CDC5L: variants seen among roughly 807,000 people sequenced by gnomAD.
The protein encoded by CDC5L is cell division cycle 5 like.
In CDC5L, 18 loss-of-function variants were observed where a neutral mutation model predicts 104.1. The ratio of observed to expected loss-of-function variants is 0.17; its 90% confidence interval spans 0.12 to 0.26. The LOEUF (loss-of-function observed/expected upper bound fraction) is 0.26. Ranked by LOEUF, CDC5L falls within the 10% of genes least tolerant of loss-of-function variation. The probability of loss-of-function intolerance (pLI) is 1.00; values close to 1 mark genes in which losing one functional copy is unlikely to be tolerated. For missense variants in CDC5L, 673 were observed against 956.9 expected (o/e 0.70, Z 3.91); for synonymous variants, 331 against 322.7 (o/e 1.03, Z -0.28).
intron 1 of CDC5L, among the ~76,000 whole-genome samples, chr6:44,389,306 T>C (rs1790490603): frequency 6.6e-6 from 1 of 152,098 alleles, no homozygotes. Context: ...GAGAGACAGA[T>C]ATAAAATCAA....
Position 44,424,439 on chromosome 6 carries a change from T to C in CDC5L, c.1425T>C (p.His475=), listed in dbSNP as rs201840127. The change falls in exon 11 of 16, where the codon CAT becomes CAC. Residue 475 remains histidine (H), a synonymous_variant. Transcript: ENST00000371477. ...TACAGGAAAGAGAATCCCGAGAACA[T>C]CTCCGTTTAGGGTTGTTGGGCCTTC... ...VKQMERESRE[H]LRLGLLGLPA... The C allele has an allele frequency of 2.1e-5, 34 of 1,613,512 alleles. No homozygotes were observed. In the Admixed American group the frequency reaches 5.7e-4, roughly 27 times the overall value.
chr6:44,388,281 G>A (rs1790442758), intron 1 of CDC5L, among the ~76,000 whole-genome samples: 1 of 151,920 alleles, frequency 6.6e-6, no homozygotes, highest in South Asian at 2.1e-4. Flanking sequence ...AGAAGTTGCC[G>A]TGGCCACAAC....
At chr6:44,396,524 G>GTT (rs75189350) in intron 5 of CDC5L, 84 bp downstream of exon 5, 4,016 of 575,604 alleles carry the variant, frequency 7.0e-3, no homozygotes, top group South Asian at 8.2e-3. Flanking sequence ...CAGATATGTG[G>GTT]TTTTTTTTTT....
chr6:44,404,373 C>T (rs887208878), intron 6 of CDC5L, among the ~76,000 whole-genome samples: 1 of 152,072 alleles, frequency 6.6e-6, no homozygotes, highest in Admixed American at 6.6e-5. Flanking sequence ...TCTCAAACTC[C>T]TGGGCTCAAG....
At position 44,426,258 on chromosome 6, in the gene CDC5L, A is replaced by G. The variant is rs1015545620; in HGVS notation, c.1650+75A>G. The stretch of plus-strand genomic sequence containing the variant: ...GATTGCTGCGTTTTACATCATTCAT[A>G]AAGACTATAAAACAAAATTTCATCT... On this transcript the variant is annotated intron_variant, in intron 12 of 15. Transcript: ENST00000371477. 118 of 1,057,824 alleles carry G rather than the reference A, an allele frequency of 1.1e-4. 1 individual carries two copies. Among genetic ancestry groups the G allele is most frequent in the Non-Finnish European group, 1.5e-4 (109 of 712,288 alleles). The allele number at this position is 1,057,824 out of a possible 1,614,324, so 65.5% of individuals were successfully genotyped here. A position where few individuals can be genotyped will look rare whatever the true frequency, so the allele number is the denominator to read the frequency against.
chr6:44,397,529 G>C (rs1201263671), intron 5 of CDC5L, among the ~76,000 whole-genome samples: 1 of 152,184 alleles, frequency 6.6e-6, no homozygotes, highest in Non-Finnish European at 1.5e-5. Context: ...TATGGCAGAG[G>C]TAATGCCCAG....
chr6:44,430,644 C>T (rs1792640284), intron 14 of CDC5L, among the ~76,000 whole-genome samples: 1 of 150,072 alleles, frequency 6.7e-6, no homozygotes, highest in South Asian at 2.1e-4. Flanking sequence ...GCAATCTTGG[C>T]TCACTCCAAC....
intron 7 of CDC5L, among the ~76,000 whole-genome samples, chr6:44,406,941 C>A (rs924896146): frequency 4.0e-5 from 6 of 150,960 alleles, no homozygotes. Context: ...CAAAAAAAAA[C>A]AAAAAAAACC....
chr6:44,433,161 T>A (rs1207434490), intron 14 of CDC5L, among the ~76,000 whole-genome samples: 1 of 152,242 alleles, frequency 6.6e-6, no homozygotes, highest in Non-Finnish European at 1.5e-5. Flanking sequence ...TATTCACACA[T>A]TCAGTAATTA....
At chr6:44,429,623 G>A in intron 13 of CDC5L, 90 bp from the exon 14 acceptor site, 1 of 1,096,936 alleles carries the variant, frequency 9.1e-7, no homozygotes, top group Non-Finnish European at 1.3e-6. Flanking sequence ...TTGACTCAAG[G>A]CATGAGGGAA....
intron 5 of CDC5L, among the ~76,000 whole-genome samples, chr6:44,397,882 A>G (rs1225960243): frequency 6.6e-6 from 1 of 152,190 alleles, no homozygotes; most frequent in Admixed American, 6.5e-5. Context: ...ATCAGTTCTA[A>G]TAGCCCAGAA....
chr6:44,403,343 A>AAC (rs1791218951), intron 5 of CDC5L, among the ~76,000 whole-genome samples: 1 of 151,642 alleles, frequency 6.6e-6, no homozygotes, highest in African/African-American at 2.4e-5. Context: ...AAAAAAAAAA[A>AAC]AACTTTGCTT....
chr6:44,401,895 A>G (rs1473539658), intron 5 of CDC5L, among the ~76,000 whole-genome samples: 2 of 143,872 alleles, frequency 1.4e-5, no homozygotes, highest in Non-Finnish European at 3.0e-5. Flanking sequence ...ATGAGTGAGA[A>G]TATGCGGTGT....
Position 44,408,597 on chromosome 6 carries a change from C to G in CDC5L, c.1057C>G (p.Pro353Ala). The G allele has an allele frequency of 6.2e-7, 1 of 1,608,446 alleles. No individual in the cohort carries two copies. Among genetic ancestry groups the G allele is most frequent in the Non-Finnish European group, 8.5e-7 (1 of 1,176,096 alleles). Residue 353 changes from proline (P) to alanine (A), a missense_variant, in exon 8 of 16, where the codon CCA becomes GCA. Physicochemically the swap from Pro to Ala is conservative, Grantham distance 27. Transcript: ENST00000371477. ...CAACAACAGCGTTGCTCTTAGAACA[C>G]CACGAACACCAGCTTCCCAGGACAG... ...VTNNSVALRTPRTPASQDRIL... is the reference protein window; with the variant it reads ...VTNNSVALRTARTPASQDRIL...
chr6:44,397,801 T>G (rs1194924791), intron 5 of CDC5L, among the ~76,000 whole-genome samples: 1 of 152,242 alleles, frequency 6.6e-6, no homozygotes, highest in East Asian at 1.9e-4. Flanking sequence ...GAATATATAT[T>G]ACACATTGTC....
rs745430137 is a variant in CDC5L, at chr6:44,408,538, C to T, written c.998C>T (p.Ala333Val). The change falls in exon 8 of 16, where the codon GCT (alanine) becomes GTT (valine). Residue 333 changes from alanine to valine, a missense_variant. Around this residue, in one of 4 missense-constraint regions of CDC5L, gnomAD observed 578 missense variants for 737.0 expected, o/e 0.78. Coordinates refer to ENST00000371477, the MANE Select transcript of CDC5L (RefSeq NM_001253.4). ...TAEESGITNS[A>V]SSTLLSEYNV... Reference sequence around the variant, plus strand: ...GAGGAATCTGGCATAACAAATTCTGCTTCCAGTACACTTTTGTCTGAGTAC... The same window carrying T: ...GAGGAATCTGGCATAACAAATTCTGTTTCCAGTACACTTTTGTCTGAGTAC... 5 of 1,613,958 alleles carry T rather than the reference C, an allele frequency of 3.1e-6. No individual in the cohort carries two copies. Among genetic ancestry groups the T allele is most frequent in the Non-Finnish European group, 3.4e-6 (4 of 1,179,830 alleles).
chr6:44,413,578 G>A (rs916804085), intron 8 of CDC5L, among the ~76,000 whole-genome samples: 2 of 152,104 alleles, frequency 1.3e-5, no homozygotes, highest in Non-Finnish European at 2.9e-5. Context: ...CAAAGTCGCT[G>A]CACCATTTTA....
At chr6:44,390,508 T>C (rs551475822) in intron 2 of CDC5L, 137 bp downstream of exon 2, 2 of 635,488 alleles carry the variant, frequency 3.1e-6, no homozygotes, top group African/African-American at 3.7e-5. Flanking sequence ...GGAAGTTGGG[T>C]GTTTGACTTA....
intron 4 of CDC5L, among the ~76,000 whole-genome samples, chr6:44,394,692 T>TAA (rs11571922): frequency 1.6e-5 from 2 of 124,816 alleles, no homozygotes; most frequent in South Asian, 4.9e-4. Flanking sequence ...CCTGCCTCTA[T>TAA]AAAAAAATAC....
Sources: allele counts gnomAD v4.1 joint callset (sites outside exome capture counted in the v4.1 genomes callset), GRCh38; gene constraint gnomAD v4.1.1; regional missense constraint gnomAD v4.1.1; transcripts MANE v1.5; gene names NCBI Gene and HGNC (gene_info 2026-07-23, HGNC 2026-07-21).